Variants in HOXA9 observed in about 807,000 individuals in gnomAD.
HOXA9 encodes homeobox protein Hox-A9.
In HOXA9, 18 loss-of-function variants were observed where a neutral mutation model predicts 19.0. That is an observed-to-expected ratio of 0.95 (90% CI 0.65 to 1.40). The LOEUF (loss-of-function observed/expected upper bound fraction) is 1.40, where lower values mean the gene tolerates loss of function less well. Among genes scored for constraint, HOXA9 ranks in the 40% most tolerant of loss-of-function variants. The pLI, the probability that HOXA9 is intolerant of heterozygous loss-of-function variation, is 0.00. For synonymous variants in HOXA9, 198 were observed against 161.1 expected (o/e 1.23, Z -1.73); for missense variants, 443 against 372.2 (o/e 1.19, Z -1.57).
rs181742818 is a variant in HOXA9, at chr7:27,163,161, T to C, written c.*442A>G. On this transcript the variant is annotated 3_prime_UTR_variant, in exon 2 of 2. Transcript: ENST00000343483. ...CAATAAAACACAGTGTTCAAGTATC[T>C]TGGCAGAGCAATCTGCCGCACAAAC... 1,675 of 228,770 alleles carry C rather than the reference T, an allele frequency of 7.3e-3. 47 individuals carry two copies. The highest frequency in any genetic ancestry group is 0.058 in the Admixed American group (1,058 of 18,218). The allele number at this position is 228,770 out of a possible 1,614,324, so 14.2% of individuals were successfully genotyped here. A position where few individuals can be genotyped will look rare whatever the true frequency, so the allele number is the denominator to read the frequency against.
At position 27,163,599 on chromosome 7, in the gene HOXA9, G is replaced by A. The variant is rs575670067; in HGVS notation, c.*4C>T. 18 of 1,601,828 alleles carry A rather than the reference G, an allele frequency of 1.1e-5. No homozygotes were observed. The highest frequency in any genetic ancestry group is 1.1e-4 in the African/African-American group (8 of 74,274). Reference sequence around the variant, plus strand: ...CCCTTTTTTCTAAATAAGCCCAAATGGCATCACTCGTCTTTTGCTCGGTCT... The same window carrying A: ...CCCTTTTTTCTAAATAAGCCCAAATAGCATCACTCGTCTTTTGCTCGGTCT... On this transcript the variant is annotated 3_prime_UTR_variant, in exon 2 of 2. Coordinates refer to ENST00000343483, the MANE Select transcript of HOXA9 (RefSeq NM_152739.4).
In HOXA9 at chr7:27,165,170, C is replaced by A; in HGVS notation, c.288G>T (p.Ala96=). 1 of 1,596,514 alleles carries A rather than the reference C, an allele frequency of 6.3e-7. No individual in the cohort carries two copies. Among genetic ancestry groups the A allele is most frequent in the Non-Finnish European group, 8.5e-7 (1 of 1,171,444 alleles). Residue 96 remains alanine (A), a synonymous_variant, in exon 1 of 2, where the codon GCG becomes GCT. Coordinates refer to ENST00000343483, the MANE Select transcript of HOXA9 (RefSeq NM_152739.4). The part of the protein sequence containing the change: ...HHHHPYVHPQ[A]PVAAAAPDGR... Reference sequence around the variant, plus strand: ...CGTCCGGCGCCGCCGCCGCCACGGGCGCCTGGGGGTGCACGTAGGGGTGGT... The same window carrying A: ...CGTCCGGCGCCGCCGCCGCCACGGGAGCCTGGGGGTGCACGTAGGGGTGGT...
chr7:27,163,992 G>A, intron 1 of HOXA9, 151 bp from the exon 2 acceptor site: 1 of 679,988 alleles, frequency 1.5e-6, no homozygotes, highest in Non-Finnish European at 2.6e-6. Context: ...ATGGAACCCT[G>A]GCAGACAGAC....
rs1360928862 is a variant in HOXA9 at position 27,164,949 on chromosome 7, G to A, written c.509C>T (p.Pro170Leu). The A allele has an allele frequency of 5.0e-6, 8 of 1,614,236 alleles. No individual in the cohort carries two copies. Among genetic ancestry groups the A allele is most frequent in the Admixed American group, 1.7e-5 (1 of 60,032 alleles). Residue 170 changes from proline (P) to leucine (L), a missense_variant, in exon 1 of 2, where the codon CCC becomes CTC. Physicochemically the swap from Pro to Leu is moderately conservative, Grantham distance 98. Coordinates refer to ENST00000343483, the MANE Select transcript of HOXA9 (RefSeq NM_152739.4). ...GSPPVDREKQ[P>L]SEGAFSENNA... is the part of the protein sequence containing the mutation. ...GTTTTCAGAGAAGGCGCCTTCGCTG[G>A]GTTGTTTTTCTCTATCAACTGGAGG...
Position 27,165,145 on chromosome 7 carries a change from C to G in HOXA9, c.313G>C (p.Gly105Arg), listed in dbSNP as rs748261114. Reference protein sequence around the residue: ...QAPVAAAAPDGRYMRSWLEPT... With the variant: ...QAPVAAAAPDRRYMRSWLEPT... Reference sequence around the variant, plus strand: ...TCCAGCCAGGAGCGCATGTACCTGCCGTCCGGCGCCGCCGCCGCCACGGGC... The same window carrying G: ...TCCAGCCAGGAGCGCATGTACCTGCGGTCCGGCGCCGCCGCCGCCACGGGC... The change falls in exon 1 of 2, where the codon GGC becomes CGC. Residue 105 changes from glycine to arginine, a missense_variant. Coordinates refer to ENST00000343483, the MANE Select transcript of HOXA9 (RefSeq NM_152739.4). The G allele has an allele frequency of 6.3e-6, 10 of 1,598,210 alleles. No individual in the cohort carries two copies. The highest frequency in any genetic ancestry group is 7.7e-6 in the Non-Finnish European group (9 of 1,172,294).
chr7:27,165,365 C>A lies in HOXA9; in HGVS notation c.93G>T (p.Ala31=), dbSNP rs765634210. ...GGGGAGGCTGGCCCAGGGTCCCCGG[C>A]GCATAGCGGCCAACGCTCAGCTCAT... ...AADELSVGRY[A]PGTLGQPPRQ... is the part of the protein sequence containing the mutation. The change falls in exon 1 of 2, where the codon GCG becomes GCT. Residue 31 remains alanine, a synonymous_variant. Transcript: ENST00000343483. The A allele has an allele frequency of 3.7e-6, 6 of 1,600,502 alleles. No individual in the cohort carries two copies. The highest frequency in any genetic ancestry group is 1.6e-4 in the Middle Eastern group (1 of 6,064).
Position 27,163,814 on chromosome 7 carries a change from G to T in HOXA9, c.608C>A (p.Ala203Glu), listed in dbSNP as rs1783255750. The T allele has an allele frequency of 2.5e-6, 4 of 1,613,858 alleles. No individual in the cohort carries two copies. Among genetic ancestry groups the T allele is most frequent in the Non-Finnish European group, 3.4e-6 (4 of 1,179,986 alleles). The change falls in exon 2 of 2, where the codon GCG becomes GAG. Residue 203 changes from alanine to glutamate, a missense_variant. Ala to Glu is a moderately radical substitution (Grantham distance 107). Transcript: ENST00000343483. ...GCACCGCTTTTTCCGAGTGGAGCGC[G>T]CATGAAGCCAGTTGGCTGCTGGGTT... ...PNNPAANWLH[A>E]RSTRKKRCPY...
chr7:27,163,862 G>C (rs1337138172), intron 1 of HOXA9, 21 bp from the exon 2 acceptor site: 2 of 1,596,596 alleles, frequency 1.3e-6, no homozygotes, highest in South Asian at 1.1e-5. Context: ...GAGAAACACT[G>C]GGTTTAGGAG....
In HOXA9 at chr7:27,165,199, G is replaced by T; in HGVS notation, c.259C>A (p.His87Asn). 1 of 1,589,424 alleles carries T rather than the reference G, an allele frequency of 6.3e-7. No individual in the cohort carries two copies. Among genetic ancestry groups the T allele is most frequent in the Non-Finnish European group, 8.6e-7 (1 of 1,168,976 alleles). Reference protein sequence around the residue: ...AVPAAVYHHHHHHPYVHPQAP... With the variant: ...AVPAAVYHHHNHHPYVHPQAP... ...TGGGGGTGCACGTAGGGGTGGTGGTGATGGTGGTGGTACACCGCAGCGGGT... is the reference window on the plus strand; with the variant it reads ...TGGGGGTGCACGTAGGGGTGGTGGTTATGGTGGTGGTACACCGCAGCGGGT... The change falls in exon 1 of 2, where the codon CAC (histidine) becomes AAC (asparagine). Residue 87 changes from histidine (H) to asparagine (N), a missense_variant. Transcript: ENST00000343483.
chr7:27,163,575 C>CTCTAAAG lies in HOXA9; in HGVS notation c.*27_*28insCTTTAGA. ...TTCTTTCTTTTTCTCTCTAGCTTAC[C>CTCTAAAG]CTTTTTTCTAAATAAGCCCAAATGG... On this transcript the variant is annotated 3_prime_UTR_variant, in exon 2 of 2. Transcript: ENST00000343483. 1 of 1,538,632 alleles carries CTCTAAAG rather than the reference C, an allele frequency of 6.5e-7. No homozygotes were observed. The highest frequency in any genetic ancestry group is 9.0e-7 in the Non-Finnish European group (1 of 1,115,672).
Position 27,163,753 on chromosome 7 carries a change from T to C in HOXA9, c.669A>G (p.Lys223=). 2 of 1,614,086 alleles carry C rather than the reference T, an allele frequency of 1.2e-6. No individual in the cohort carries two copies. Among genetic ancestry groups the C allele is most frequent in the Non-Finnish European group, 8.5e-7 (1 of 1,180,008 alleles). Residue 223 remains lysine, a synonymous_variant, in exon 2 of 2, where the codon AAA becomes AAG. Transcript: ENST00000343483. ...TGAGGTACATGTTGAACAGAAACTCTTTCTCCAGTTCCAGGGTCTGGTGTT... is the reference window on the plus strand; with the variant it reads ...TGAGGTACATGTTGAACAGAAACTCCTTCTCCAGTTCCAGGGTCTGGTGTT... ...YTKHQTLELE[K]EFLFNMYLTR...
rs1226070527 is a variant in HOXA9, at chr7:27,163,533, G to A, written c.*70C>T. 4 of 1,246,158 alleles carry A rather than the reference G, an allele frequency of 3.2e-6. No individual in the cohort carries two copies. The highest frequency in any genetic ancestry group is 1.3e-5 in the South Asian group (1 of 75,802). 77.2% of individuals were successfully genotyped at this position (1,246,158 alleles called of 1,614,324 possible). ...GTGGGGGTGAGAGAAGGGAGAAGGCGGAAGGGGGACGGACAGTTCTTTCTT... is the reference window on the plus strand; with the variant it reads ...GTGGGGGTGAGAGAAGGGAGAAGGCAGAAGGGGGACGGACAGTTCTTTCTT... On this transcript the variant is annotated 3_prime_UTR_variant, in exon 2 of 2. Coordinates refer to ENST00000343483, the MANE Select transcript of HOXA9 (RefSeq NM_152739.4).
rs1490622306 is a variant in HOXA9 at position 27,163,424 on chromosome 7, C to G, written c.*179G>C. 2 of 636,984 alleles carry G rather than the reference C, an allele frequency of 3.1e-6. No homozygotes were observed. Among genetic ancestry groups the G allele is most frequent in the Non-Finnish European group, 5.6e-6 (2 of 358,410 alleles). 39.5% of individuals were successfully genotyped at this position (636,984 alleles called of 1,614,324 possible). ...CTCCTCCATCAAAGCGGCAGGCCTA[C>G]GAGCCAGCCTGAACAGGGTTTGCCT... On this transcript the variant is annotated 3_prime_UTR_variant, in exon 2 of 2. Coordinates refer to ENST00000343483, the MANE Select transcript of HOXA9 (RefSeq NM_152739.4).
At position 27,163,831 on chromosome 7, in the gene HOXA9, T is replaced by G; in HGVS notation, c.591A>C (p.Ala197=). The part of the protein sequence containing the change: ...DKPPIDPNNP[A]ANWLHARSTR... Reference sequence around the variant, plus strand: ...TGGAGCGCGCATGAAGCCAGTTGGCTGCTGGGTTATCTGCGGGGAAGAGAA... The same window carrying G: ...TGGAGCGCGCATGAAGCCAGTTGGCGGCTGGGTTATCTGCGGGGAAGAGAA... Residue 197 remains alanine, a synonymous_variant, in exon 2 of 2, where the codon GCA becomes GCC. Transcript: ENST00000343483. 1 of 1,613,890 alleles carries G rather than the reference T, an allele frequency of 6.2e-7. No individual in the cohort carries two copies. The highest frequency in any genetic ancestry group is 8.5e-7 in the Non-Finnish European group (1 of 1,179,910).
chr7:27,165,431 G>C lies in HOXA9; in HGVS notation c.27C>G (p.Asn9Lys). The C allele has an allele frequency of 6.2e-7, 1 of 1,608,840 alleles. No homozygotes were observed. Among genetic ancestry groups the C allele is most frequent in the Middle Eastern group, 1.7e-4 (1 of 6,040 alleles). Residue 9 changes from asparagine (N) to lysine (K), a missense_variant, in exon 1 of 2, where the codon AAC becomes AAG. Coordinates refer to ENST00000343483, the MANE Select transcript of HOXA9 (RefSeq NM_152739.4). The part of the protein sequence containing the change: MATTGALG[N>K]YYVDSFLLGA... ...CCAGCAGGAACGAGTCCACGTAGTA[G>C]TTGCCCAGGGCCCCAGTGGTGGCCA...
Position 27,163,861 on chromosome 7 carries a change from T to G in HOXA9, c.581-20A>C. On this transcript the variant is annotated intron_variant, in intron 1 of 1. Coordinates refer to ENST00000343483, the MANE Select transcript of HOXA9 (RefSeq NM_152739.4). ...GGTTATCTGCGGGGAAGAGAAACAC[T>G]GGGTTTAGGAGCAGAAGACGCACAT... is the stretch of plus-strand genomic sequence containing the variant. 1 of 1,599,804 alleles carries G rather than the reference T, an allele frequency of 6.3e-7. No individual in the cohort carries two copies. The highest frequency in any genetic ancestry group is 8.6e-7 in the Non-Finnish European group (1 of 1,168,364).
intron 1 of HOXA9, among the ~76,000 whole-genome samples, chr7:27,164,306 G>A (rs1783267797): frequency 6.6e-6 from 1 of 152,216 alleles, no homozygotes; most frequent in African/African-American, 2.4e-5. Flanking sequence ...TCGGAGCTGG[G>A]CAAGCCGTCA....
In HOXA9 at chr7:27,165,210, T is replaced by C; in HGVS notation, c.248A>G (p.Tyr83Cys). The C allele has an allele frequency of 1.3e-6, 2 of 1,585,970 alleles. No individual in the cohort carries two copies. The highest frequency in any genetic ancestry group is 1.7e-6 in the Non-Finnish European group (2 of 1,167,536). Residue 83 changes from tyrosine to cysteine, a missense_variant, in exon 1 of 2, where the codon TAC (tyrosine) becomes TGC (cysteine). Transcript: ENST00000343483. ...AGANAVPAAV[Y>C]HHHHHHPYVH... ...GTAGGGGTGGTGGTGATGGTGGTGG[T>C]ACACCGCAGCGGGTACAGCGTTGGC...
At position 27,163,381 on chromosome 7, in the gene HOXA9, A is replaced by G. The variant is rs576948299; in HGVS notation, c.*222T>C. 5.7e-6 allele frequency: 3 copies of G among 525,796 alleles called. No homozygotes were observed. The East Asian group carries it at 8.9e-5, about 16-fold the overall frequency. The allele number at this position is 525,796 out of a possible 1,614,324, so 32.6% of individuals were successfully genotyped here. A position where few individuals can be genotyped will look rare whatever the true frequency, so the allele number is the denominator to read the frequency against. ...CAACTTTTCCTTTTTCTTATAGAAA[A>G]TGGAAAGCTTACAATACCTCCTCCA... On this transcript the variant is annotated 3_prime_UTR_variant, in exon 2 of 2. Transcript: ENST00000343483.
Sources: allele counts gnomAD v4.1 joint callset (sites outside exome capture counted in the v4.1 genomes callset), GRCh38; gene constraint gnomAD v4.1.1; transcripts MANE v1.5; gene names NCBI Gene and HGNC (gene_info 2026-07-23, HGNC 2026-07-21).